TOPORS: variants seen among roughly 807,000 people sequenced by gnomAD.
TOPORS encodes the protein TOP1 binding arginine/serine rich protein, E3 ubiquitin ligase, also known as E3 ubiquitin-protein ligase Topors.
TOPORS carries 25 observed loss-of-function variants against 81.4 expected under a neutral mutation model. That is an observed-to-expected ratio of 0.31 (90% CI 0.22 to 0.43). The LOEUF is 0.43. Among genes scored for constraint, TOPORS ranks in the 20% least tolerant of loss-of-function variants. The pLI is 1.00. For synonymous variants in TOPORS, 473 were observed against 456.6 expected, an observed-to-expected ratio of 1.04 and a Z score of -0.46; for missense variants, 1,101 against 1,267.0, an observed-to-expected ratio of 0.87 and a Z score of 1.99.
chr9:32,549,246 G>A (rs955555542), intron 2 of TOPORS, among the ~76,000 whole-genome samples: 1 of 152,160 alleles, frequency 6.6e-6, no homozygotes, highest in Non-Finnish European at 1.5e-5. Context: ...GGCGGAGCTT[G>A]CAGTGAGCCG....
intron 1 of TOPORS, chr9:32,551,607 A>G (rs1217760636): frequency 3.9e-6 from 1 of 254,460 alleles, no homozygotes; most frequent in African/African-American, 2.2e-5. Context: ...AGGTATAAAG[A>G]ACGTCTAGAG....
chr9:32,552,101 A>G, intron 1 of TOPORS: 1 of 535,486 alleles, frequency 1.9e-6, no homozygotes. Flanking sequence ...ACACGACAGC[A>G]CCTTATCCTG....
At chr9:32,550,703 G>C in intron 2 of TOPORS, 71 bp downstream of exon 2, 9 of 1,578,618 alleles carry the variant, frequency 5.7e-6, no homozygotes, top group Non-Finnish European at 7.8e-6. Context: ...CCGAGGCGCC[G>C]CTCCAGGCGG....
Position 32,543,667 on chromosome 9 carries a change from G to A in TOPORS, c.858C>T (p.Phe286=), listed in dbSNP as rs778690438. 20 of 1,612,896 alleles carry A rather than the reference G, an allele frequency of 1.2e-5. No individual in the cohort carries two copies. Among genetic ancestry groups the A allele is most frequent in the Non-Finnish European group, 1.4e-5 (17 of 1,179,658 alleles). Reference sequence around the variant, plus strand: ...TGTGAAGGCAAGCTGGATTTCTACGGAAAAATTCAGCTGAAATATCCCTGT... The same window carrying A: ...TGTGAAGGCAAGCTGGATTTCTACGAAAAAATTCAGCTGAAATATCCCTGT... ...GRYRDISAEF[F]RRNPACLHRL... is the part of the protein sequence containing the mutation. The change falls in exon 3 of 3, where the codon TTC becomes TTT. Residue 286 remains phenylalanine (F), a synonymous_variant. Transcript: ENST00000360538. This position sits in a 1 kb window ranked among gnomAD's most constrained non-coding sequence, Gnocchi z 5.6.
In TOPORS at chr9:32,541,979, G is replaced by A. The variant is rs1821070313; in HGVS notation, c.2546C>T (p.Ser849Leu). ...ESDTFSDSRSSDRETKHKRRK... is the reference protein window; with the variant it reads ...ESDTFSDSRSLDRETKHKRRK... ...CCTTTTGTGTTTTGTCTCTCTGTCT[G>A]ATGATCGGCTGTCTGAAAAGGTATC... The change falls in exon 3 of 3, where the codon TCA becomes TTA. Residue 849 changes from serine to leucine, a missense_variant. Coordinates refer to ENST00000360538, the MANE Select transcript of TOPORS (RefSeq NM_005802.5). 1.2e-6 allele frequency: 2 copies of A among 1,613,762 alleles called. No individual in the cohort carries two copies. The highest frequency in any genetic ancestry group is 4.5e-5 in the East Asian group (2 of 44,884).
Position 32,542,681 on chromosome 9 carries a change from T to C in TOPORS, c.1844A>G (p.His615Arg), listed in dbSNP as rs1166290094. The change falls in exon 3 of 3, where the codon CAT (histidine) becomes CGT (arginine). Residue 615 changes from histidine to arginine, a missense_variant. By Grantham distance (29) the His-to-Arg change is conservative (BLOSUM62 0). This residue lies in a region of TOPORS where 605 missense variants were observed against 636.1 expected (regional missense o/e 0.95). Transcript: ENST00000360538. The part of the protein sequence containing the change: ...QSRSGHDQKN[H>R]RKHHGKKRMK... ...TCTTTTCTTCCCATGATGCTTTCTA[T>C]GATTCTTCTGATCATGCCCACTTCT... 1 of 1,614,130 alleles carries C rather than the reference T, an allele frequency of 6.2e-7. No homozygotes were observed. Among genetic ancestry groups the C allele is most frequent in the South Asian group, 1.1e-5 (1 of 91,086 alleles).
Position 32,541,623 on chromosome 9 carries a change from T to C in TOPORS, c.2902A>G (p.Ile968Val). The change falls in exon 3 of 3, where the codon ATT becomes GTT. Residue 968 changes from isoleucine to valine, a missense_variant. By Grantham distance (29) the Ile-to-Val change is conservative. Coordinates refer to ENST00000360538, the MANE Select transcript of TOPORS (RefSeq NM_005802.5). ...TTCAAGTTGTTACTAAGTGTGGCAA[T>C]ATCACATTCCTTGTCCAGCACACCA... ...EFGVLDKECD[I>V]ATLSNNLNNA... 1 of 1,614,220 alleles carries C rather than the reference T, an allele frequency of 6.2e-7. No homozygotes were observed. The highest frequency in any genetic ancestry group is 8.5e-7 in the Non-Finnish European group (1 of 1,180,038).
chr9:32,548,212 T>C (rs1252091256), intron 2 of TOPORS, among the ~76,000 whole-genome samples: 1 of 151,268 alleles, frequency 6.6e-6, no homozygotes, highest in African/African-American at 2.4e-5. Context: ...CTGGGATGAC[T>C]AGATACAGAT....
In TOPORS at chr9:32,541,942, C is replaced by G. The variant is rs1416918370; in HGVS notation, c.2583G>C (p.Lys861Asn). Residue 861 changes from lysine to asparagine, a missense_variant, in exon 3 of 3, where the codon AAG (lysine) becomes AAC (asparagine). Transcript: ENST00000360538. ...RETKHKRRKR[K>N]TRSLSVEIVY... ...CTATCTCTACACTTAGGCTCCGGGT[C>G]TTCCTTTTTCTCCTTTTGTGTTTTG... is the stretch of plus-strand genomic sequence containing the variant. The G allele has an allele frequency of 6.2e-7, 1 of 1,613,218 alleles. No homozygotes were observed. The highest frequency in any genetic ancestry group is 8.5e-7 in the Non-Finnish European group (1 of 1,179,904).
chr9:32,551,161 C>G, intron 1 of TOPORS, 193 bp from the exon 2 acceptor site: 1 of 675,528 alleles, frequency 1.5e-6, no homozygotes, highest in Non-Finnish European at 2.6e-6. Context: ...CTCCAGACCC[C>G]GGAGGAGGGC....
intron 2 of TOPORS, among the ~76,000 whole-genome samples, chr9:32,548,448 C>T (rs1821171292): frequency 6.6e-6 from 1 of 151,786 alleles, no homozygotes; most frequent in Admixed American, 6.6e-5. Flanking sequence ...CACTTGAACC[C>T]CCGGGAGGCG....
rs1343874606 is a variant in TOPORS, at chr9:32,541,628, C to T, written c.2897G>A (p.Cys966Tyr). 1 of 1,614,208 alleles carries T rather than the reference C, an allele frequency of 6.2e-7. No homozygotes were observed. Among genetic ancestry groups the T allele is most frequent in the Admixed American group, 1.7e-5 (1 of 60,030 alleles). Residue 966 changes from cysteine to tyrosine, a missense_variant, in exon 3 of 3, where the codon TGT becomes TAT. By Grantham distance (194) the Cys-to-Tyr change is radical. Around this residue, in one of 9 missense-constraint regions of TOPORS, gnomAD observed 605 missense variants for 636.1 expected, o/e 0.95. Coordinates refer to ENST00000360538, the MANE Select transcript of TOPORS (RefSeq NM_005802.5). ...GTTGTTACTAAGTGTGGCAATATCA[C>T]ATTCCTTGTCCAGCACACCAAATTC... ...EAEFGVLDKE[C>Y]DIATLSNNLN... is the part of the protein sequence containing the mutation.
In TOPORS at chr9:32,543,246, T is replaced by TTGAGTAAGA. The variant is rs770140141; in HGVS notation, c.1270_1278dup (p.Tyr425_Ser427dup). ...ATAGTAACGTGTACCTGCTCTGAGC[T>TTGAGTAAGA]TGAGTAAGATGGTCCTGGAGTTTCA... is the stretch of plus-strand genomic sequence containing the variant. On this transcript the variant is annotated inframe_insertion, in exon 3 of 3. Coordinates refer to ENST00000360538, the MANE Select transcript of TOPORS (RefSeq NM_005802.5). This position sits in a 1 kb window ranked among gnomAD's most constrained non-coding sequence, Gnocchi z 5.6. 7 of 1,613,730 alleles carry TTGAGTAAGA rather than the reference T, an allele frequency of 4.3e-6. No individual in the cohort carries two copies. In the African/African-American group the frequency reaches 9.3e-5, roughly 22 times the overall value.
At chr9:32,546,017 C>T (rs1344588373) in intron 2 of TOPORS, among the ~76,000 whole-genome samples, 1 of 152,164 alleles carries the variant, frequency 6.6e-6, no homozygotes, top group African/African-American at 2.4e-5. Flanking sequence ...ATTAAACCTG[C>T]TCACTTTAGG....
chr9:32,551,377 G>C (rs944394489), intron 1 of TOPORS: 9 of 337,520 alleles, frequency 2.7e-5, no homozygotes, highest in Non-Finnish European at 1.7e-5. Flanking sequence ...CCTGTTGTAC[G>C]CCTCCCGGAA....
chr9:32,540,600 T>C lies in TOPORS; in HGVS notation c.*787A>G, dbSNP rs553637669. On this transcript the variant is annotated 3_prime_UTR_variant, in exon 3 of 3. Coordinates refer to ENST00000360538, the MANE Select transcript of TOPORS (RefSeq NM_005802.5). ...AGTTAAATGCTGTTTTTACTGATGATAGAAAGCAAATAAGATACTCCTCAA... is the reference window on the plus strand; with the variant it reads ...AGTTAAATGCTGTTTTTACTGATGACAGAAAGCAAATAAGATACTCCTCAA... The C allele has an allele frequency of 2.6e-5, 4 of 152,556 alleles. No homozygotes were observed. Among genetic ancestry groups the C allele is most frequent in the East Asian group, 1.9e-4 (1 of 5,178 alleles). The allele number at this position is 152,556 out of a possible 1,614,324, so 9.5% of individuals were successfully genotyped here.
At chr9:32,550,684 C>T (rs1262303839) in intron 2 of TOPORS, 90 bp downstream of exon 2, 14 of 1,507,218 alleles carry the variant, frequency 9.3e-6, no homozygotes, top group African/African-American at 5.5e-5. Context: ...TGACCGCAAC[C>T]CTCGGGTCCC....
Position 32,552,579 on chromosome 9 carries a change from C to T in TOPORS, c.-143G>A, listed in dbSNP as rs897486080. On this transcript the variant is annotated 5_prime_UTR_variant, in exon 1 of 3. Transcript: ENST00000360538. ...GCACCCAGAAACTCCAAAATCCATTCCTGAATTAAGCATTTCACTCCCTCA... is the reference window on the plus strand; with the variant it reads ...GCACCCAGAAACTCCAAAATCCATTTCTGAATTAAGCATTTCACTCCCTCA... 4 of 1,058,334 alleles carry T rather than the reference C, an allele frequency of 3.8e-6. No homozygotes were observed. Among genetic ancestry groups the T allele is most frequent in the Non-Finnish European group, 4.3e-6 (3 of 699,326 alleles). 65.6% of individuals were successfully genotyped at this position (1,058,334 alleles called of 1,614,324 possible).
intron 2 of TOPORS, 39 bp downstream of exon 2, chr9:32,550,735 T>C (rs1483606034): frequency 1.2e-6 from 2 of 1,610,838 alleles, no homozygotes; most frequent in Middle Eastern, 3.3e-4. Context: ...CCCACGGCCC[T>C]TCCGACCCCC....
Sources: allele counts gnomAD v4.1 joint callset (sites outside exome capture counted in the v4.1 genomes callset), GRCh38; gene constraint gnomAD v4.1.1; regional missense constraint gnomAD v4.1.1; non-coding constraint Gnocchi (gnomAD v3.1); transcripts MANE v1.5; gene names NCBI Gene and HGNC (gene_info 2026-07-23, HGNC 2026-07-21).